Variants in ZNF676 observed in about 807,000 individuals in gnomAD.
The protein encoded by ZNF676 is zinc finger protein 676.
In ZNF676, 4 loss-of-function variants were observed where a neutral mutation model predicts 6.0. That is an observed-to-expected ratio of 0.67 (90% CI 0.33 to 1.53). The LOEUF is 1.53. Among genes scored for constraint, ZNF676 ranks in the 40% most tolerant of loss-of-function variants. ZNF676 has a pLI of 0.06. For missense variants in ZNF676, 644 were observed against 679.7 expected (o/e 0.95, Z 0.58); for synonymous variants, 198 against 223.1 (o/e 0.89, Z 1.00).
chr19:22,180,603 T>C lies in ZNF676; in HGVS notation c.1114A>G (p.Lys372Glu). ...EKPYKCEGCG[K>E]AFSKVSTLNT... ...AGGGTTGAGACCTTACTAAAGGCTTTGCCACATCCTTCACATTTGTAGGGT... is the reference window on the plus strand; with the variant it reads ...AGGGTTGAGACCTTACTAAAGGCTTCGCCACATCCTTCACATTTGTAGGGT... Residue 372 changes from lysine to glutamate, a missense_variant, in exon 3 of 3, where the codon AAA becomes GAA. Transcript: ENST00000397121. The C allele has an allele frequency of 6.2e-7, 1 of 1,613,124 alleles. No homozygotes were observed. Among genetic ancestry groups the C allele is most frequent in the Non-Finnish European group, 8.5e-7 (1 of 1,179,738 alleles).
At chr19:22,192,285 G>A (rs538400842) in intron 2 of ZNF676, among the ~76,000 whole-genome samples, 1 of 151,988 alleles carries the variant, frequency 6.6e-6, no homozygotes, top group South Asian at 2.1e-4. Flanking sequence ...AACTTTTCAA[G>A]GATTTATCAA....
intron 1 of ZNF676, among the ~76,000 whole-genome samples, chr19:22,214,905 T>G (rs560575404): frequency 2.0e-5 from 3 of 148,690 alleles, no homozygotes; most frequent in African/African-American, 7.4e-5. Flanking sequence ...GCCGGGGGTG[T>G]TGGCGGGCAC....
At chr19:22,222,297 G>C in the ZNF676 span, among the ~76,000 whole-genome samples, 2 of 152,110 alleles carry the variant, frequency 1.3e-5, no homozygotes, top group Admixed American at 6.6e-5. Flanking sequence ...GTAGAAACAA[G>C]GTTTCACCAT....
At chr19:22,215,738 C>A (rs915479462) in exon 1 of ZNF676, 135 of 1,429,434 alleles carry the variant, frequency 9.4e-5, no homozygotes, top group Admixed American at 2.7e-4. Flanking sequence ...AAGGACAAGG[C>A]CTTTACCTCC....
intron 1 of ZNF676, among the ~76,000 whole-genome samples, chr19:22,215,350 C>T (rs566550450): frequency 3.5e-4 from 53 of 152,306 alleles, no homozygotes; most frequent in African/African-American, 1.3e-3. Context: ...TCTGACTACC[C>T]TCCCACAGTC....
the ZNF676 span, among the ~76,000 whole-genome samples, chr19:22,237,172 T>C: frequency 6.6e-6 from 1 of 152,222 alleles, no homozygotes; most frequent in African/African-American, 2.4e-5. Flanking sequence ...CTAAGCCTTT[T>C]GATTCCTCCC....
At chr19:22,206,689 A>C (rs1296282277) in intron 1 of ZNF676, among the ~76,000 whole-genome samples, 1 of 152,080 alleles carries the variant, frequency 6.6e-6, no homozygotes, top group East Asian at 1.9e-4. Context: ...AAAAAAAAGA[A>C]ATCTTCAACA....
At chr19:22,205,538 T>C (rs2024068916) in intron 1 of ZNF676, among the ~76,000 whole-genome samples, 1 of 152,124 alleles carries the variant, frequency 6.6e-6, no homozygotes, top group Non-Finnish European at 1.5e-5. Flanking sequence ...AAAAATTAAA[T>C]GGCCTACACT....
At chr19:22,231,905 C>T in the ZNF676 span, among the ~76,000 whole-genome samples, 1 of 151,932 alleles carries the variant, frequency 6.6e-6, no homozygotes, top group Non-Finnish European at 1.5e-5. Context: ...TGGCCTTGAG[C>T]TCTATCTTAA....
chr19:22,208,648 A>G (rs1230960894), intron 1 of ZNF676, among the ~76,000 whole-genome samples: 2 of 152,354 alleles, frequency 1.3e-5, no homozygotes, highest in South Asian at 2.1e-4. Flanking sequence ...TAGACTGGAT[A>G]CAGAAAATAC....
At chr19:22,238,054 C>T in the ZNF676 span, among the ~76,000 whole-genome samples, 2 of 152,178 alleles carry the variant, frequency 1.3e-5, no homozygotes, top group Non-Finnish European at 1.5e-5. Context: ...CTGAGTTCAT[C>T]ATTTTCTATC....
the ZNF676 span, among the ~76,000 whole-genome samples, chr19:22,233,103 T>C: frequency 1.3e-5 from 2 of 152,136 alleles, no homozygotes; most frequent in Admixed American, 6.5e-5. Context: ...CTAATAAAAA[T>C]CAATGCAGCA....
At position 22,192,864 on chromosome 19, in the gene ZNF676, CCT is replaced by C. The variant is rs112393810; in HGVS notation, c.130+150_130+151del. On this transcript the variant is annotated intron_variant, in intron 2 of 2. Transcript: ENST00000397121. Reference sequence around the variant, plus strand: ...TTAAAAGCATAAGTTAGAAGATGCCCCTGTGTGAGAGAAAATTAAAAAATAAA... The same window carrying C: ...TTAAAAGCATAAGTTAGAAGATGCCCGTGTGAGAGAAAATTAAAAAATAAA... 1,200 of 777,492 alleles carry C rather than the reference CCT, an allele frequency of 1.5e-3. 10 individuals carry two copies. In the African/African-American group the frequency reaches 0.019, roughly 12 times the overall value. 48.2% of individuals were successfully genotyped at this position (777,492 alleles called of 1,614,324 possible).
the ZNF676 span, among the ~76,000 whole-genome samples, chr19:22,245,702 C>T: frequency 1.3e-5 from 2 of 152,086 alleles, no homozygotes; most frequent in African/African-American, 2.4e-5. Flanking sequence ...AAAAGAGTCA[C>T]ATAACCAAAG....
At chr19:22,207,352 G>C (rs1441320939) in intron 1 of ZNF676, among the ~76,000 whole-genome samples, 1 of 152,130 alleles carries the variant, frequency 6.6e-6, no homozygotes, top group Non-Finnish European at 1.5e-5. Context: ...AACTGCCACA[G>C]AAAAGAATAA....
At chr19:22,203,795 T>A (rs1410976717) in intron 1 of ZNF676, 1 of 152,326 alleles carries the variant, frequency 6.6e-6, no homozygotes. Context: ...GGTTTCACCA[T>A]GTTGTCCAGG....
chr19:22,194,025 T>C (rs1353631327), intron 1 of ZNF676, among the ~76,000 whole-genome samples: 4 of 152,096 alleles, frequency 2.6e-5, no homozygotes, highest in Non-Finnish European at 2.9e-5. Context: ...TCAGGCTAGG[T>C]AGAATCACAC....
At chr19:22,255,379 C>T in the ZNF676 span, among the ~76,000 whole-genome samples, 1 of 152,212 alleles carries the variant, frequency 6.6e-6, no homozygotes, top group Admixed American at 6.5e-5. Flanking sequence ...TCTGTACTAC[C>T]CTAGGGCTTT....
chr19:22,256,804 T>C, the ZNF676 span, among the ~76,000 whole-genome samples: 10 of 152,112 alleles, frequency 6.6e-5, no homozygotes, highest in African/African-American at 2.4e-4. Flanking sequence ...ACCTAGGGGA[T>C]GAATGAAAAA....
Sources: gnomAD v4.1 joint callset for allele counts (sites outside exome capture counted in the v4.1 genomes callset) on GRCh38, gnomAD v4.1.1 for gene constraint, MANE v1.5 for transcripts, NCBI Gene and HGNC (gene_info 2026-07-23, HGNC 2026-07-21) for gene names.